The following CNKSR2 variants were observed in gnomAD, a reference collection of about 807,000 sequenced individuals.
CNKSR2 encodes connector enhancer of kinase suppressor of Ras 2.
In CNKSR2, 14 loss-of-function variants were observed where a neutral mutation model predicts 84.4. The observed-to-expected ratio is 0.17, with a 90% CI of 0.11 to 0.26. The LOEUF is 0.26. CNKSR2 is among the 10% of genes least tolerant of loss of function. CNKSR2 has a pLI of 1.00. For missense variants in CNKSR2, 485 were observed against 771.2 expected (o/e 0.63, Z 4.40); for synonymous variants, 275 against 277.9 (o/e 0.99, Z 0.10).
chrX:21,628,756 T>C (rs762468741), intron 20 of CNKSR2, among the ~76,000 whole-genome samples: 305 of 111,221 alleles, frequency 2.7e-3, no homozygotes, highest in Non-Finnish European at 4.8e-3. Context: ...CACTTTTTCC[T>C]CCTAAATCTC....
chrX:21,553,514 T>C (rs2092111941), intron 11 of CNKSR2, among the ~76,000 whole-genome samples: 1 of 106,374 alleles, frequency 9.4e-6, no homozygotes, highest in Non-Finnish European at 1.9e-5. Context: ...ACATTGTCAA[T>C]AAAAGTGATG....
chrX:21,570,765 A>G (rs1267010550), intron 13 of CNKSR2, among the ~76,000 whole-genome samples: 1 of 112,289 alleles, frequency 8.9e-6, no homozygotes, highest in Non-Finnish European at 1.9e-5. Context: ...AGGAAAAGAG[A>G]TCGGAGAACA....
At chrX:21,503,246 A>C (rs916149452) in intron 8 of CNKSR2, 1 of 292,712 alleles carries the variant, frequency 3.4e-6, no homozygotes, top group African/African-American at 2.8e-5. Context: ...CATCACAGGA[A>C]TATTCTAAAA....
rs2092419430 is a variant in CNKSR2 at position 21,591,352 on chromosome X, G to T, written c.1830+158G>T. 1.1e-5 allele frequency: 4 copies of T among 367,927 alleles called. No homozygotes were observed. In the South Asian group the frequency reaches 3.4e-4, roughly 31 times the overall value. 30.3% of individuals were successfully genotyped at this position (367,927 alleles called of 1,213,427 possible). The stretch of plus-strand genomic sequence containing the variant: ...ATCCACCCTCTTAAAATGATTGCAT[G>T]TTGGGGTTCTAGAAAGATAGCTGTC... On this transcript the variant is annotated intron_variant, in intron 15 of 21. Coordinates refer to ENST00000379510, the MANE Select transcript of CNKSR2 (RefSeq NM_014927.5).
chrX:21,604,286 A>G (rs2092502556), intron 18 of CNKSR2, among the ~76,000 whole-genome samples: 1 of 109,959 alleles, frequency 9.1e-6, no homozygotes, highest in Admixed American at 9.8e-5. Flanking sequence ...TGGACAGTGG[A>G]AGGGGAACAT....
intron 2 of CNKSR2, chrX:21,428,638 T>C (rs2090595747): frequency 9.0e-6 from 1 of 111,274 alleles, no homozygotes; most frequent in Non-Finnish European, 1.9e-5. Context: ...AATAAAAATA[T>C]ATATATAGCT....
intron 1 of CNKSR2, among the ~76,000 whole-genome samples, chrX:21,401,615 A>G (rs1300221437): frequency 8.9e-6 from 1 of 111,946 alleles, no homozygotes. Flanking sequence ...TGTCTAGAGT[A>G]GAGAAACCTA....
At position 21,563,229 on chromosome X, in the gene CNKSR2, T is replaced by C. The variant is rs750825853; in HGVS notation, c.1394-9T>C. On this transcript the variant is annotated splice_polypyrimidine_tract_variant and intron_variant, in intron 12 of 21. Transcript: ENST00000379510. ...ATTTATATTGGTGTATTTATCTCTT[T>C]TTATATAGAAAACTCTCTACTTCGG... 1 of 1,172,411 alleles carries C rather than the reference T, an allele frequency of 8.5e-7. No homozygotes were observed. Among genetic ancestry groups the C allele is most frequent in the South Asian group, 1.9e-5 (1 of 53,126 alleles).
chrX:21,547,643 A>G (rs1283124184), intron 11 of CNKSR2, among the ~76,000 whole-genome samples: 8 of 111,164 alleles, frequency 7.2e-5, no homozygotes, highest in Non-Finnish European at 1.3e-4. Context: ...TCAGCACCAC[A>G]TCACACTTAT....
At chrX:21,650,773 T>A (rs753041730) in intron 21 of CNKSR2, among the ~76,000 whole-genome samples, 2 of 111,730 alleles carry the variant, frequency 1.8e-5, no homozygotes, top group South Asian at 7.5e-4. Context: ...AGCAGCAAAG[T>A]TTTCAGACTC....
chrX:21,543,460 T>C (rs760586626), intron 11 of CNKSR2, among the ~76,000 whole-genome samples: 10 of 112,660 alleles, frequency 8.9e-5, no homozygotes, highest in Admixed American at 2.8e-4. Flanking sequence ...ATCAAGCTGA[T>C]GGTGGTAAGG....
chrX:21,639,341 A>T (rs1223817330), intron 20 of CNKSR2, among the ~76,000 whole-genome samples: 1 of 111,668 alleles, frequency 9.0e-6, no homozygotes, highest in Admixed American at 9.5e-5. Flanking sequence ...CCCTTTGTGC[A>T]CTTGCTTCTG....
intron 5 of CNKSR2, among the ~76,000 whole-genome samples, chrX:21,483,431 G>A (rs1234803599): frequency 9.2e-6 from 1 of 108,707 alleles, no homozygotes; most frequent in East Asian, 2.9e-4. Flanking sequence ...TCACACACTG[G>A]GGCCTGTTGT....
intron 20 of CNKSR2, among the ~76,000 whole-genome samples, chrX:21,619,860 A>AAAAAG (rs1287028096): frequency 2.7e-5 from 3 of 111,149 alleles, no homozygotes; most frequent in Non-Finnish European, 5.7e-5. Context: ...CTTTTCTTAA[A>AAAAAG]AAAAGAAAAG....
intron 20 of CNKSR2, among the ~76,000 whole-genome samples, chrX:21,626,110 A>G (rs1035236215): frequency 4.5e-5 from 5 of 110,737 alleles, no homozygotes; most frequent in Admixed American, 9.6e-5. Context: ...ATTAAGTTCT[A>G]TGAAAGCACT....
At chrX:21,404,820 A>G (rs1185862169) in intron 1 of CNKSR2, among the ~76,000 whole-genome samples, 1 of 107,210 alleles carries the variant, frequency 9.3e-6, no homozygotes, top group Non-Finnish European at 1.9e-5. Context: ...AAAGTACAAT[A>G]TAAAGTAGAG....
In CNKSR2 at chrX:21,606,899, A is replaced by G. The variant is rs781101127; in HGVS notation, c.2145+20A>G. Reference sequence around the variant, plus strand: ...CCCTCGGTAAGTTAGCAACAAGAACATTACTTATCACCAGATTCTTCTACC... The same window carrying G: ...CCCTCGGTAAGTTAGCAACAAGAACGTTACTTATCACCAGATTCTTCTACC... On this transcript the variant is annotated intron_variant, in intron 19 of 21. Transcript: ENST00000379510. 4.4e-5 allele frequency: 38 copies of G among 860,618 alleles called. No individual in the cohort carries two copies. The South Asian group carries it at 7.3e-4, about 16-fold the overall frequency. 70.9% of individuals were successfully genotyped at this position (860,618 alleles called of 1,213,427 possible). A position where few individuals can be genotyped will look rare whatever the true frequency, so the allele number is the denominator to read the frequency against.
intron 4 of CNKSR2, among the ~76,000 whole-genome samples, chrX:21,462,154 T>C (rs773787814): frequency 1.8e-5 from 2 of 112,100 alleles, no homozygotes; most frequent in East Asian, 5.6e-4. Context: ...AGAATATTGA[T>C]TAATCCAAGA....
rs1040091509 is a variant in CNKSR2 at position 21,652,908 on chromosome X, G to A, written c.*387G>A. On this transcript the variant is annotated 3_prime_UTR_variant, in exon 22 of 22. Coordinates refer to ENST00000379510, the MANE Select transcript of CNKSR2 (RefSeq NM_014927.5). ...AAAAGTAAATCACATTTTTTCAGGT[G>A]CAGACATCCTTGTGGGTGGGAAAGA... is the stretch of plus-strand genomic sequence containing the variant. The A allele has an allele frequency of 8.2e-6, 1 of 122,152 alleles. No homozygotes were observed. Among genetic ancestry groups the A allele is most frequent in the East Asian group, 2.5e-4 (1 of 4,020 alleles). 10.1% of individuals were successfully genotyped at this position (122,152 alleles called of 1,213,427 possible).
Sources: allele counts gnomAD v4.1 joint callset (sites outside exome capture counted in the v4.1 genomes callset), GRCh38; gene constraint gnomAD v4.1.1; transcripts MANE v1.5; gene names NCBI Gene and HGNC (gene_info 2026-07-23, HGNC 2026-07-21).